The following SHTN1 variants were observed in gnomAD, a reference collection of about 807,000 sequenced individuals.
SHTN1 encodes the protein shootin 1.
Under a neutral mutation model 83.1 loss-of-function variants are expected in SHTN1, and 42 were observed. That is an observed-to-expected ratio of 0.51 (90% CI 0.39 to 0.65). The LOEUF is 0.65. Ranked by LOEUF, SHTN1 falls within the 30% of genes least tolerant of loss-of-function variation. The probability of loss-of-function intolerance (pLI) is 0.00; values close to 1 mark genes in which losing one functional copy is unlikely to be tolerated. For missense variants in SHTN1, 622 were observed against 737.8 expected (o/e 0.84, Z 1.82); for synonymous variants, 224 against 247.7 (o/e 0.90, Z 0.90).
intron 1 of SHTN1, among the ~76,000 whole-genome samples, chr10:116,991,107 AC>A (rs1589876214): frequency 6.6e-6 from 1 of 151,222 alleles, no homozygotes; most frequent in East Asian, 2.0e-4. Flanking sequence ...AATCGCTTGA[AC>A]CCGGGAGGCG....
chr10:116,928,380 G>C (rs1026167239), intron 10 of SHTN1, among the ~76,000 whole-genome samples: 1 of 152,154 alleles, frequency 6.6e-6, no homozygotes, highest in African/African-American at 2.4e-5. Flanking sequence ...ACCAGATTCA[G>C]CTTCCTAAAT....
At chr10:117,009,709 C>T, upstream of SHTN1, among the ~76,000 whole-genome samples, 1 of 152,066 alleles carries the variant, frequency 6.6e-6, no homozygotes, top group East Asian at 1.9e-4. Context: ...TTGAGACCAT[C>T]CTGGCTAACA....
At chr10:116,933,531 T>A (rs1018321999) in intron 9 of SHTN1, among the ~76,000 whole-genome samples, 10 of 152,126 alleles carry the variant, frequency 6.6e-5, no homozygotes, top group Non-Finnish European at 1.5e-4. Flanking sequence ...TATTCCATGG[T>A]GTATATGTGC....
intron 1 of SHTN1, among the ~76,000 whole-genome samples, chr10:116,982,744 A>G (rs2133488930): frequency 6.6e-6 from 1 of 152,262 alleles, no homozygotes; most frequent in East Asian, 1.9e-4. Flanking sequence ...GAATCACTTG[A>G]GGTCAAGAGT....
intron 1 of SHTN1, among the ~76,000 whole-genome samples, chr10:117,106,842 G>T (rs1212592667): frequency 5.3e-5 from 8 of 152,054 alleles, no homozygotes; most frequent in Admixed American, 5.2e-4. Context: ...ACAAGATAGT[G>T]GGTGCCTATC....
chr10:117,054,034 A>T (rs755372702), intron 1 of SHTN1, among the ~76,000 whole-genome samples: 1 of 152,216 alleles, frequency 6.6e-6, no homozygotes, highest in Non-Finnish European at 1.5e-5. Flanking sequence ...TAAAATATCG[A>T]GTAGGAAAAT....
chr10:117,118,842 T>G (rs1023873788), intron 1 of SHTN1, among the ~76,000 whole-genome samples: 4 of 152,190 alleles, frequency 2.6e-5, no homozygotes, highest in African/African-American at 9.7e-5. Flanking sequence ...GCTTTATACC[T>G]GGGTGATGCG....
At chr10:117,037,076 G>A (rs1852508675) in intron 2 of SHTN1, among the ~76,000 whole-genome samples, 1 of 152,136 alleles carries the variant, frequency 6.6e-6, no homozygotes, top group African/African-American at 2.4e-5. Context: ...AGGATACAAG[G>A]TTAATATACG....
chr10:117,074,805 C>A (rs1046713684), intron 1 of SHTN1, among the ~76,000 whole-genome samples: 8 of 152,084 alleles, frequency 5.3e-5, no homozygotes, highest in Non-Finnish European at 1.0e-4. Flanking sequence ...GGACAATAAA[C>A]CTGCTTTTGC....
At position 116,881,628 on chromosome 10, in the gene SHTN1, G is replaced by C. The variant is rs1025931260; in HGVS notation, c.*4716C>G. On this transcript the variant is annotated 3_prime_UTR_variant, in exon 17 of 17. Coordinates refer to ENST00000355371, the MANE Select transcript of SHTN1 (RefSeq NM_001127211.3). ...GCTGGTGCCCACCTTCCCCACACAA[G>C]GTGTAGAGGAATCAGCCGAAACAGG... The C allele has an allele frequency of 1.2e-5, 18 of 1,549,564 alleles. No individual in the cohort carries two copies. The East Asian group carries it at 3.4e-4, about 29-fold the overall frequency.
At chr10:117,040,578 T>C (rs955937240) in intron 2 of SHTN1, among the ~76,000 whole-genome samples, 1 of 152,226 alleles carries the variant, frequency 6.6e-6, no homozygotes, top group Non-Finnish European at 1.5e-5. Flanking sequence ...ATGCTAATAA[T>C]AGGGAAAACT....
intron 2 of SHTN1, among the ~76,000 whole-genome samples, chr10:117,037,998 C>CAATAAA: frequency 1.3e-5 from 1 of 75,486 alleles, no homozygotes; most frequent in South Asian, 6.3e-4. Flanking sequence ...AGCGAGACTT[C>CAATAAA]AAAAAAAAAA....
At chr10:116,966,425 CTTAAA>C (rs1193768364) in intron 3 of SHTN1, among the ~76,000 whole-genome samples, 5 of 152,102 alleles carry the variant, frequency 3.3e-5, no homozygotes, top group Admixed American at 2.0e-4. Flanking sequence ...ACATCCAAAC[CTTAAA>C]TTAATTAAAG....
At chr10:117,039,584 G>T (rs972256437) in intron 2 of SHTN1, among the ~76,000 whole-genome samples, 2 of 152,108 alleles carry the variant, frequency 1.3e-5, no homozygotes, top group African/African-American at 4.8e-5. Context: ...GCCGGGCGCA[G>T]TGGCTCACGC....
chr10:116,927,168 A>T (rs1848771971), intron 11 of SHTN1, among the ~76,000 whole-genome samples: 1 of 152,228 alleles, frequency 6.6e-6, no homozygotes. Flanking sequence ...AAAATAATTG[A>T]ACAAACCACA....
intron 1 of SHTN1, among the ~76,000 whole-genome samples, chr10:117,067,582 A>T (rs1236933188): frequency 6.6e-6 from 1 of 152,156 alleles, no homozygotes; most frequent in Non-Finnish European, 1.5e-5. Flanking sequence ...GCAACAGAGC[A>T]AAACTCCATC....
At chr10:117,097,279 G>C (rs1052793932) in intron 1 of SHTN1, among the ~76,000 whole-genome samples, 3 of 152,216 alleles carry the variant, frequency 2.0e-5, no homozygotes, top group Admixed American at 1.3e-4. Flanking sequence ...GACTCTGCCA[G>C]AATGTATGGT....
chr10:116,976,688 T>TC (rs1850820492), intron 2 of SHTN1, among the ~76,000 whole-genome samples: 2 of 152,226 alleles, frequency 1.3e-5, no homozygotes, highest in Non-Finnish European at 2.9e-5. Context: ...TTACTCATTC[T>TC]ACACTCTATA....
intron 2 of SHTN1, among the ~76,000 whole-genome samples, chr10:116,974,894 T>C (rs1850743881): frequency 6.6e-6 from 1 of 151,928 alleles, no homozygotes; most frequent in Non-Finnish European, 1.5e-5. Context: ...GAGAATGCCC[T>C]TCAATTGTGG....
Sources: allele counts gnomAD v4.1 joint callset (sites outside exome capture counted in the v4.1 genomes callset), GRCh38; gene constraint gnomAD v4.1.1; transcripts MANE v1.5; gene names NCBI Gene and HGNC (gene_info 2026-07-23, HGNC 2026-07-21).